CCDC42: variants seen among roughly 807,000 people sequenced by gnomAD.
CCDC42 encodes the protein coiled-coil domain-containing protein 42.
Under a neutral mutation model 40.8 loss-of-function variants are expected in CCDC42, and 38 were observed. The ratio of observed to expected loss-of-function variants is 0.93; its 90% CI spans 0.72 to 1.22. CCDC42 has a LOEUF of 1.22. CCDC42 is among the 50% of genes most tolerant of loss of function. The pLI is 0.00. For synonymous variants in CCDC42, 135 were observed against 157.5 expected, an observed-to-expected ratio of 0.86 and a Z score of 1.07; for missense variants, 379 against 416.5, an observed-to-expected ratio of 0.91 and a Z score of 0.78.
chr17:8,742,142 T>C (rs1398220065), intron 3 of CCDC42, among the ~76,000 whole-genome samples: 2 of 151,944 alleles, frequency 1.3e-5, no homozygotes, highest in East Asian at 3.9e-4. Context: ...TTTCTGTTCT[T>C]AGTGGTGGCC....
intron 3 of CCDC42, among the ~76,000 whole-genome samples, chr17:8,742,106 G>T (rs919648425): frequency 6.6e-6 from 1 of 152,118 alleles, no homozygotes; most frequent in Non-Finnish European, 1.5e-5. Flanking sequence ...GTGGGAGCAA[G>T]AACCCTCCTG....
Position 8,732,192 on chromosome 17 carries a change from G to A in CCDC42, c.874-1985C>T, listed in dbSNP as rs1223038058. On this transcript the variant is annotated intron_variant, in intron 6 of 6. Transcript: ENST00000293845. ...CGGGCGCCTGTAGTCCCAGCTACTCGGGAGGCTGAGGCAGGAGAATGGCGT... is the reference window on the plus strand; with the variant it reads ...CGGGCGCCTGTAGTCCCAGCTACTCAGGAGGCTGAGGCAGGAGAATGGCGT... Among the ~76,000 whole-genome samples, 8 of 150,942 alleles carry A rather than the reference G, an allele frequency of 5.3e-5. No individual in the cohort carries two copies. In the East Asian group the frequency reaches 5.9e-4, roughly 11 times the overall value.
chr17:8,730,667 T>C (rs1235294520), intron 6 of CCDC42, among the ~76,000 whole-genome samples: 1 of 152,180 alleles, frequency 6.6e-6, no homozygotes, highest in African/African-American at 2.4e-5. Flanking sequence ...GAGGCCACTT[T>C]CTCTCATTTG....
intron 4 of CCDC42, among the ~76,000 whole-genome samples, chr17:8,737,357 A>G (rs888385778): frequency 6.6e-6 from 1 of 152,240 alleles, no homozygotes; most frequent in African/African-American, 2.4e-5. Flanking sequence ...TGATTTGAAC[A>G]TTAGTAAGAA....
chr17:8,742,044 C>T (rs2086649194), intron 3 of CCDC42, among the ~76,000 whole-genome samples: 2 of 151,978 alleles, frequency 1.3e-5, no homozygotes, highest in Admixed American at 1.3e-4. Context: ...TTGCACTGGG[C>T]TCACGGTCTG....
intron 4 of CCDC42, among the ~76,000 whole-genome samples, chr17:8,740,528 A>G (rs1237974847): frequency 6.6e-6 from 1 of 150,824 alleles, no homozygotes; most frequent in Non-Finnish European, 1.5e-5. Context: ...GATCTGAGAC[A>G]GAGAACCTGG....
chr17:8,743,535 G>A, intron 3 of CCDC42, 91 bp downstream of exon 3: 1 of 799,668 alleles, frequency 1.3e-6, no homozygotes. Context: ...TCAGGGCGAG[G>A]AGTCAGCAGA....
At chr17:8,740,427 T>C (rs1191734712) in intron 4 of CCDC42, among the ~76,000 whole-genome samples, 2 of 145,314 alleles carry the variant, frequency 1.4e-5, no homozygotes, top group African/African-American at 5.2e-5. Context: ...AGGTGGAGGT[T>C]GCAGTGAGCC....
intron 6 of CCDC42, among the ~76,000 whole-genome samples, chr17:8,731,484 G>A (rs1268252345): frequency 1.3e-5 from 2 of 152,152 alleles, no homozygotes; most frequent in African/African-American, 4.8e-5. Context: ...ATCCACAATA[G>A]CAAAGAGAAT....
At chr17:8,744,260 A>C in intron 1 of CCDC42, 76 bp from the exon 2 acceptor site, 1 of 1,114,922 alleles carries the variant, frequency 9.0e-7, no homozygotes, top group Non-Finnish European at 1.3e-6. Flanking sequence ...ACCCGTGGAG[A>C]CAGATACCCA....
intron 6 of CCDC42, among the ~76,000 whole-genome samples, chr17:8,732,403 G>T (rs2086586951): frequency 1.3e-5 from 2 of 151,418 alleles, no homozygotes; most frequent in Admixed American, 6.6e-5. Flanking sequence ...TTTCAAGGCT[G>T]TCTCTGGAGA....
In CCDC42 at chr17:8,735,839, T is replaced by G. The variant is rs1264961257; in HGVS notation, c.493-228A>C. ...TTTGTTGGGCAGGGGGATGCACAAC[T>G]GGGCTAGGGATTTTCGACTTTAACT... On this transcript the variant is annotated intron_variant, in intron 4 of 6. Coordinates refer to ENST00000293845, the MANE Select transcript of CCDC42 (RefSeq NM_144681.3). This position sits in a 1 kb window ranked among gnomAD's most constrained non-coding sequence, Gnocchi z 4.7. Among the ~76,000 whole-genome samples the G allele has an allele frequency of 2.0e-5, 3 of 152,174 alleles. No homozygotes were observed. The highest frequency in any genetic ancestry group is 4.4e-5 in the Non-Finnish European group (3 of 68,010).
At chr17:8,743,753 C>G (rs372447596) in intron 2 of CCDC42, 23 bp from the exon 3 acceptor site, 171 of 1,388,614 alleles carry the variant, frequency 1.2e-4, no homozygotes, top group Non-Finnish European at 1.6e-4. Flanking sequence ...GGTGGGAGAG[C>G]AGAGAGGTCA....
chr17:8,733,586 G>T lies in CCDC42; in HGVS notation c.873+1510C>A, dbSNP rs547361398. ...GCTCACTACAACCTCCGCCTCCCAG[G>T]TTCAAACGATTCTCCCGCCTCAGCC... On this transcript the variant is annotated intron_variant, in intron 6 of 6. Coordinates refer to ENST00000293845, the MANE Select transcript of CCDC42 (RefSeq NM_144681.3). Among the ~76,000 whole-genome samples the T allele has an allele frequency of 5.9e-4, 90 of 152,318 alleles. 4 individuals are homozygous for T. The South Asian group carries it at 0.017, about 28-fold the overall frequency.
rs1307883881 is a variant in CCDC42, at chr17:8,744,594, T to C, written c.16A>G (p.Met6Val). The change falls in exon 1 of 7, where the codon ATG becomes GTG. Residue 6 changes from methionine to valine, a missense_variant. Transcript: ENST00000293845. The part of the protein sequence containing the change: MSLGI[M>V]EEEDLAEYFR... ...TACTCGGCCAGGTCTTCCTCTTCCA[T>C]GATGCCCAGACTCATGGTGGCAGTG... The C allele has an allele frequency of 6.2e-7, 1 of 1,612,474 alleles. No individual in the cohort carries two copies. The highest frequency in any genetic ancestry group is 8.5e-7 in the Non-Finnish European group (1 of 1,179,842).
At chr17:8,738,743 G>A (rs1181886042) in intron 4 of CCDC42, among the ~76,000 whole-genome samples, 2 of 152,140 alleles carry the variant, frequency 1.3e-5, no homozygotes, top group Non-Finnish European at 2.9e-5. Context: ...GGGATTACAA[G>A]CGTGAGCCAC....
At chr17:8,737,388 A>G (rs971981089) in intron 4 of CCDC42, among the ~76,000 whole-genome samples, 2 of 152,256 alleles carry the variant, frequency 1.3e-5, no homozygotes, top group Admixed American at 1.3e-4. Flanking sequence ...GGATTAAAAC[A>G]TATCAAATAT....
Position 8,744,769 on chromosome 17 carries a change from T to G in CCDC42, c.-160A>C, listed in dbSNP as rs989978851. On this transcript the variant is annotated 5_prime_UTR_variant, in exon 1 of 7. Coordinates refer to ENST00000293845, the MANE Select transcript of CCDC42 (RefSeq NM_144681.3). ...AGTTTGAGACTCCACAGAAGGTGGC[T>G]GGAGACAGGTTGGGCGGCTCAGGAC... The G allele has an allele frequency of 3.1e-5, 20 of 636,452 alleles. No individual in the cohort carries two copies. The highest frequency in any genetic ancestry group is 2.5e-4 in the African/African-American group (14 of 55,454). The allele number at this position is 636,452 out of a possible 1,614,324, so 39.4% of individuals were successfully genotyped here. A position where few individuals can be genotyped will look rare whatever the true frequency, so the allele number is the denominator to read the frequency against.
chr17:8,735,000 C>T (rs2086600942), intron 6 of CCDC42, 96 bp downstream of exon 6: 1 of 1,362,956 alleles, frequency 7.3e-7, no homozygotes, highest in South Asian at 1.3e-5. Context: ...AGTCCCTGCT[C>T]TGCTTCTCTG....
Sources: allele counts gnomAD v4.1 joint callset (sites outside exome capture counted in the v4.1 genomes callset), GRCh38; gene constraint gnomAD v4.1.1; non-coding constraint Gnocchi (gnomAD v3.1); transcripts MANE v1.5; gene names NCBI Gene and HGNC (gene_info 2026-07-23, HGNC 2026-07-21).